Variants in MAP4K3 observed in about 807,000 individuals in gnomAD.
MAP4K3 encodes MAPK/ERK kinase kinase kinase 3.
MAP4K3 carries 94 observed loss-of-function variants against 143.5 expected under a neutral mutation model. That is an observed-to-expected ratio of 0.65 (90% CI 0.55 to 0.78). The LOEUF is 0.78. Ranked by LOEUF, MAP4K3 falls within the 30% of genes least tolerant of loss-of-function variation. MAP4K3 has a pLI of 0.00. For synonymous variants in MAP4K3, 416 were observed against 347.2 expected (o/e 1.20, Z -2.20); for missense variants, 1,077 against 1,068.1 (o/e 1.01, Z -0.12).
At chr2:39,436,638 A>C in intron 1 of MAP4K3, 60 of 488,794 alleles carry the variant, frequency 1.2e-4, no homozygotes, top group East Asian at 2.4e-4. Context: ...TTCCCTGGAA[A>C]TGCGCGCAAG....
chr2:39,325,232 A>G (rs7578136), intron 12 of MAP4K3, among the ~76,000 whole-genome samples: 135,449 of 152,216 alleles, frequency 0.89, 60,470 homozygotes, highest in Non-Finnish European at 0.92. Context: ...CAACTTCACC[A>G]AAAATGGCTA....
intron 1 of MAP4K3, among the ~76,000 whole-genome samples, chr2:39,403,347 T>TCA (rs1667002920): frequency 6.6e-6 from 1 of 152,060 alleles, no homozygotes; most frequent in Non-Finnish European, 1.5e-5. Flanking sequence ...ACTGAAGATG[T>TCA]CTGAAAGAGG....
intron 21 of MAP4K3, among the ~76,000 whole-genome samples, chr2:39,284,373 TTGGTTTTGAACTCC>T (rs1681674112): frequency 6.6e-6 from 1 of 151,872 alleles, no homozygotes; most frequent in Non-Finnish European, 1.5e-5. Context: ...GTTGGCGAGG[TTGGTTTTGAACTCC>T]TGGCCTTAAA....
chr2:39,378,974 TTGG>T (rs1304503885), intron 1 of MAP4K3, among the ~76,000 whole-genome samples: 1 of 151,990 alleles, frequency 6.6e-6, no homozygotes, highest in Non-Finnish European at 1.5e-5. Flanking sequence ...TATTTTATAA[TTGG>T]ATCAGAACTT....
At chr2:39,352,349 G>C (rs1489221160) in intron 3 of MAP4K3, among the ~76,000 whole-genome samples, 5 of 152,234 alleles carry the variant, frequency 3.3e-5, no homozygotes, top group African/African-American at 1.2e-4. Flanking sequence ...TTGAGTTCAA[G>C]CTTGAGAGGA....
chr2:39,366,768 GA>G, intron 2 of MAP4K3, among the ~76,000 whole-genome samples: 1 of 152,270 alleles, frequency 6.6e-6, no homozygotes, highest in African/African-American at 2.4e-5. Flanking sequence ...GAAATACTCT[GA>G]AACACTATAT....
At chr2:39,422,758 C>T (rs1664903850) in intron 1 of MAP4K3, among the ~76,000 whole-genome samples, 2 of 152,172 alleles carry the variant, frequency 1.3e-5, no homozygotes, top group East Asian at 1.9e-4. Flanking sequence ...ATGGACCTCA[C>T]ATCTTTTACA....
At chr2:39,348,800 C>G (rs1485302187) in intron 3 of MAP4K3, among the ~76,000 whole-genome samples, 2 of 152,080 alleles carry the variant, frequency 1.3e-5, no homozygotes, top group African/African-American at 4.8e-5. Flanking sequence ...TCTACCAGAG[C>G]ATACAGGGAC....
chr2:39,282,414 T>C lies in MAP4K3; in HGVS notation c.1629+99A>G. The C allele has an allele frequency of 7.4e-6, 7 of 942,876 alleles. No individual in the cohort carries two copies. The South Asian group carries it at 8.7e-5, about 12-fold the overall frequency. The allele number at this position is 942,876 out of a possible 1,614,324, so 58.4% of individuals were successfully genotyped here. A position where few individuals can be genotyped will look rare whatever the true frequency, so the allele number is the denominator to read the frequency against. On this transcript the variant is annotated intron_variant, in intron 22 of 33. Coordinates refer to ENST00000263881, the MANE Select transcript of MAP4K3 (RefSeq NM_003618.4). ...AATCTTATAGATTTTTTTTCAATAATAATGAAAGTTCTTTCAAACAGACAA... is the reference window on the plus strand; with the variant it reads ...AATCTTATAGATTTTTTTTCAATAACAATGAAAGTTCTTTCAAACAGACAA...
chr2:39,389,827 A>C (rs1418528161), intron 1 of MAP4K3, among the ~76,000 whole-genome samples: 1 of 152,230 alleles, frequency 6.6e-6, no homozygotes, highest in Non-Finnish European at 1.5e-5. Flanking sequence ...TGCAAGGAGT[A>C]TCAAATAAAC....
In MAP4K3 at chr2:39,290,334, G is replaced by C. The variant is rs56317466; in HGVS notation, c.1272C>G (p.His424Gln). 126 of 1,600,616 alleles carry C rather than the reference G, an allele frequency of 7.9e-5. No individual in the cohort carries two copies. The East Asian group carries it at 2.2e-3, about 28-fold the overall frequency. ...GTGGAATTTTTGCTTTCAGAGTTGA[G>C]CTAAAAACAGAAAAGTTTAGAATCA... is the stretch of plus-strand genomic sequence containing the variant. Reference protein sequence around the residue: ...DDEGDDDESKHSTLKAKIPPP... With the variant: ...DDEGDDDESKQSTLKAKIPPP... The change falls in exon 19 of 34, where the codon CAC (histidine) becomes CAG (glutamine). Residue 424 changes from histidine to glutamine, a missense_variant and splice_region_variant. Physicochemically the swap from His to Gln is conservative, Grantham distance 24 (BLOSUM62 0). Around this residue, in one of 2 missense-constraint regions of MAP4K3, gnomAD observed 864 missense variants for 801.2 expected, o/e 1.08. Transcript: ENST00000263881.
In MAP4K3 at chr2:39,265,226, T is replaced by C. The variant is rs199576821; in HGVS notation, c.2113A>G (p.Met705Val). Residue 705 changes from methionine to valine, a missense_variant, in exon 28 of 34, where the codon ATG becomes GTG. Physicochemically the swap from Met to Val is conservative, Grantham distance 21. Transcript: ENST00000263881. Reference sequence around the variant, plus strand: ...ACCTTAATTAACATAAATTTCTGCATTGGTTCAACCCATTCTAATAGAACA... The same window carrying C: ...ACCTTAATTAACATAAATTTCTGCACTGGTTCAACCCATTCTAATAGAACA... Reference protein sequence around the residue: ...SIVLLEWVEPMQKFMLIKHID... With the variant: ...SIVLLEWVEPVQKFMLIKHID... The C allele has an allele frequency of 1.2e-6, 2 of 1,610,090 alleles. No individual in the cohort carries two copies. The highest frequency in any genetic ancestry group is 1.3e-5 in the African/African-American group (1 of 74,968).
intron 1 of MAP4K3, among the ~76,000 whole-genome samples, chr2:39,414,452 A>G (rs1401642629): frequency 6.6e-6 from 1 of 152,142 alleles, no homozygotes; most frequent in Admixed American, 6.5e-5. Flanking sequence ...AGAAGAATAC[A>G]TTTTCTTCAG....
At chr2:39,435,947 T>C (rs990069992) in intron 1 of MAP4K3, among the ~76,000 whole-genome samples, 2 of 152,242 alleles carry the variant, frequency 1.3e-5, no homozygotes, top group Non-Finnish European at 1.5e-5. Context: ...AAGTTAAGAC[T>C]GAACTTTCCA....
chr2:39,329,953 G>C (rs924776202), intron 8 of MAP4K3, among the ~76,000 whole-genome samples: 1 of 152,112 alleles, frequency 6.6e-6, no homozygotes, highest in Non-Finnish European at 1.5e-5. Flanking sequence ...TATGAATGTA[G>C]AGAGTTGAGG....
intron 19 of MAP4K3, among the ~76,000 whole-genome samples, chr2:39,288,661 C>T (rs1455914458): frequency 1.3e-5 from 2 of 152,098 alleles, no homozygotes; most frequent in African/African-American, 2.4e-5. Flanking sequence ...AGTTCAGCTC[C>T]GTATCAAGGC....
At chr2:39,430,997 A>T (rs897253929) in intron 1 of MAP4K3, among the ~76,000 whole-genome samples, 9 of 152,194 alleles carry the variant, frequency 5.9e-5, no homozygotes, top group Middle Eastern at 3.2e-3. Context: ...ATATTTATTA[A>T]GAACCTAATA....
intron 1 of MAP4K3, among the ~76,000 whole-genome samples, chr2:39,415,980 A>AAAAAT (rs1553318573): frequency 5.4e-4 from 8 of 14,754 alleles, no homozygotes; most frequent in Non-Finnish European, 8.8e-4. Context: ...AAAAAAAAAA[A>AAAAAT]ATATATATAT....
At position 39,315,387 on chromosome 2, in the gene MAP4K3, G is replaced by A. The variant is rs753453789; in HGVS notation, c.920C>T (p.Pro307Leu). 1.2e-6 allele frequency: 2 copies of A among 1,606,088 alleles called. No individual in the cohort carries two copies. The highest frequency in any genetic ancestry group is 1.7e-6 in the Non-Finnish European group (2 of 1,175,518). The part of the protein sequence containing the change: ...YHDFDDDDPE[P>L]LVAVPHRIHS... Reference sequence around the variant, plus strand: ...AATTCTATGTGGTACAGCAACAAGAGGCTAGAAAAGAACAAAATCAATGAT... The same window carrying A: ...AATTCTATGTGGTACAGCAACAAGAAGCTAGAAAAGAACAAAATCAATGAT... The change falls in exon 13 of 34, where the codon CCT becomes CTT. Residue 307 changes from proline (P) to leucine (L), a missense_variant and splice_region_variant. Pro to Leu is a moderately conservative substitution (Grantham distance 98). Coordinates refer to ENST00000263881, the MANE Select transcript of MAP4K3 (RefSeq NM_003618.4).
Sources: allele counts gnomAD v4.1 joint callset (sites outside exome capture counted in the v4.1 genomes callset), GRCh38; gene constraint gnomAD v4.1.1; regional missense constraint gnomAD v4.1.1; transcripts MANE v1.5; gene names NCBI Gene and HGNC (gene_info 2026-07-23, HGNC 2026-07-21).